The following DNAH6 variants were observed in gnomAD, a reference collection of about 807,000 sequenced individuals.
The protein encoded by DNAH6 is axonemal beta dynein heavy chain 6.
DNAH6 carries 340 observed loss-of-function variants against 491.4 expected under a neutral mutation model. The ratio of observed to expected loss-of-function variants is 0.69; its 90% CI spans 0.63 to 0.76. The LOEUF is 0.76. DNAH6 is among the 30% of genes least tolerant of loss of function. The probability of loss-of-function intolerance (pLI) is 0.00; values close to 1 mark genes in which losing one functional copy is unlikely to be tolerated. For missense variants in DNAH6, 4,443 were observed against 4,972.2 expected (o/e 0.89, Z 3.20); for synonymous variants, 1,603 against 1,686.1 (o/e 0.95, Z 1.21).
At chr2:84,474,577 C>T in the DNAH6 span, among the ~76,000 whole-genome samples, 1 of 152,150 alleles carries the variant, frequency 6.6e-6, no homozygotes, top group Admixed American at 6.5e-5. Flanking sequence ...ACTATTACTA[C>T]TATATTGATC....
rs1347288331 is a variant in DNAH6, at chr2:84,566,279, A to T, written c.1804-7188A>T. ...AATTTATCAAATCTCCAAAGACTAGATATTCACAATGCCACCTCAGTTATT... is the reference window on the plus strand; with the variant it reads ...AATTTATCAAATCTCCAAAGACTAGTTATTCACAATGCCACCTCAGTTATT... On this transcript the variant is annotated intron_variant, in intron 11 of 76. Transcript: ENST00000389394. 2.0e-5 allele frequency among the ~76,000 whole-genome samples: 3 copies of T among 152,120 alleles called. No homozygotes were observed. The East Asian group carries it at 5.8e-4, about 29-fold the overall frequency.
chr2:84,781,681 A>G, intron 65 of DNAH6, 28 bp downstream of exon 65: 2 of 1,515,848 alleles, frequency 1.3e-6, no homozygotes, highest in Non-Finnish European at 1.8e-6. Flanking sequence ...CCCTTGCATA[A>G]TAATCACATT....
Position 84,653,343 on chromosome 2 carries a change from T to C in DNAH6, c.5103T>C (p.Pro1701=), listed in dbSNP as rs931994432. ...LFSGIISDLF[P]GVQIPEHDYG... ...GTGGAATCATATCTGACCTTTTTCC[T>C]GGAGTCCAAATTCCAGAACATGATT... The change falls in exon 34 of 77, where the codon CCT becomes CCC. Residue 1701 remains proline (P), a synonymous_variant. Transcript: ENST00000389394. 2 of 1,537,388 alleles carry C rather than the reference T, an allele frequency of 1.3e-6. No individual in the cohort carries two copies. The highest frequency in any genetic ancestry group is 1.8e-6 in the Non-Finnish European group (2 of 1,138,546).
At chr2:84,598,285 C>T (rs1368374136) in intron 18 of DNAH6, among the ~76,000 whole-genome samples, 1 of 151,928 alleles carries the variant, frequency 6.6e-6, no homozygotes, top group Non-Finnish European at 1.5e-5. Flanking sequence ...GCTTTGGCCT[C>T]CCAAAGTGCT....
intron 56 of DNAH6, among the ~76,000 whole-genome samples, chr2:84,712,092 G>C (rs1168394641): frequency 6.6e-6 from 1 of 152,202 alleles, no homozygotes; most frequent in African/African-American, 2.4e-5. Flanking sequence ...CTGTGTCTTG[G>C]GGTCATCAGC....
chr2:84,814,221 T>C (rs1385077258), intron 75 of DNAH6, 99 bp downstream of exon 75: 5 of 1,290,260 alleles, frequency 3.9e-6, no homozygotes, highest in Non-Finnish European at 5.3e-6. Flanking sequence ...CCACCTCCCA[T>C]TGGCAGGAGC....
intron 37 of DNAH6, among the ~76,000 whole-genome samples, chr2:84,663,776 A>G (rs1691783501): frequency 1.3e-5 from 2 of 152,172 alleles, no homozygotes; most frequent in South Asian, 4.1e-4. Flanking sequence ...GTGAAGAGCA[A>G]CTCCAAGACA....
intron 30 of DNAH6, 59 bp from the exon 31 acceptor site, chr2:84,637,151 A>G: frequency 1.4e-6 from 2 of 1,405,146 alleles, no homozygotes; most frequent in South Asian, 1.5e-5. Context: ...AGTAATAATT[A>G]GGTGAAAAAT....
Position 84,819,505 on chromosome 2 carries a change from T to G in DNAH6, c.*97T>G. On this transcript the variant is annotated 3_prime_UTR_variant, in exon 77 of 77. Transcript: ENST00000389394. The stretch of plus-strand genomic sequence containing the variant: ...AATTTATATGTGAGCAAAACGGTGT[T>G]AATTCTGATTTGACTTAAACGTATT... The G allele has an allele frequency of 1.4e-6, 1 of 714,036 alleles. No individual in the cohort carries two copies. Among genetic ancestry groups the G allele is most frequent in the Non-Finnish European group, 2.3e-6 (1 of 438,360 alleles). The allele number at this position is 714,036 out of a possible 1,614,324, so 44.2% of individuals were successfully genotyped here.
intron 37 of DNAH6, among the ~76,000 whole-genome samples, chr2:84,661,894 C>T (rs1382852826): frequency 1.3e-5 from 2 of 152,046 alleles, no homozygotes; most frequent in East Asian, 1.9e-4. Flanking sequence ...TAATTCAAGA[C>T]AATAAAACAG....
rs1467300131 is a variant in DNAH6, at chr2:84,785,683, T to C, written c.11027T>C (p.Phe3676Ser). The change falls in exon 67 of 77, where the codon TTT (phenylalanine) becomes TCT (serine). Residue 3676 changes from phenylalanine (F) to serine (S), a missense_variant. Around this residue, in one of 3 missense-constraint regions of DNAH6, gnomAD observed 1,463 missense variants for 1,656.6 expected, o/e 0.88. Transcript: ENST00000389394. ...RAFTEMTPSF[F>S]EENILGKKWR... ...TTTACTGAAATGACACCTTCGTTTTTTGAAGAAAATATACTTGGAAAAAAA... is the reference window on the plus strand; with the variant it reads ...TTTACTGAAATGACACCTTCGTTTTCTGAAGAAAATATACTTGGAAAAAAA... The C allele has an allele frequency of 3.2e-6, 5 of 1,548,650 alleles. No homozygotes were observed. The highest frequency in any genetic ancestry group is 1.7e-4 in the Middle Eastern group (1 of 5,970).
chr2:84,812,281 G>C (rs1680063740), intron 72 of DNAH6, 60 bp from the exon 73 acceptor site: 2 of 1,463,504 alleles, frequency 1.4e-6, no homozygotes, highest in East Asian at 4.9e-5. Flanking sequence ...ATTAATGTGT[G>C]TCACTGACAC....
At chr2:84,517,276 G>T (rs186344782) in intron 1 of DNAH6, among the ~76,000 whole-genome samples, 12 of 152,308 alleles carry the variant, frequency 7.9e-5, no homozygotes, top group Admixed American at 4.6e-4. Flanking sequence ...CAAAGTGTAT[G>T]AATCAGAACC....
chr2:84,606,023 C>T (rs1232814134), intron 20 of DNAH6, among the ~76,000 whole-genome samples: 7 of 152,196 alleles, frequency 4.6e-5, no homozygotes, highest in East Asian at 3.9e-4. Context: ...TTATAGCACA[C>T]GAAAAGGCTA....
intron 68 of DNAH6, among the ~76,000 whole-genome samples, chr2:84,787,904 A>G (rs1237186913): frequency 6.6e-6 from 1 of 152,144 alleles, no homozygotes; most frequent in African/African-American, 2.4e-5. Flanking sequence ...TGTGGGCTCA[A>G]GTAGTAAGGG....
chr2:84,660,602 G>A (rs557678628), intron 37 of DNAH6, among the ~76,000 whole-genome samples: 8 of 151,832 alleles, frequency 5.3e-5, no homozygotes, highest in Non-Finnish European at 1.0e-4. Context: ...TATTTACATA[G>A]TTTCTAAGTA....
intron 22 of DNAH6, among the ~76,000 whole-genome samples, chr2:84,612,147 G>A (rs911164510): frequency 5.3e-5 from 8 of 152,026 alleles, no homozygotes; most frequent in Non-Finnish European, 8.8e-5. Flanking sequence ...TGTTGCTTCC[G>A]TGTATCAGCA....
At position 84,701,251 on chromosome 2, in the gene DNAH6, G is replaced by A; in HGVS notation, c.7973G>A (p.Arg2658Lys). Residue 2658 changes from arginine (R) to lysine (K), a missense_variant, in exon 49 of 77, where the codon AGG becomes AAG. Physicochemically the swap from Arg to Lys is conservative, Grantham distance 26. This residue lies in a region of DNAH6 where 2,977 missense variants were observed against 3,296.6 expected (regional missense o/e 0.90). Coordinates refer to ENST00000389394, the MANE Select transcript of DNAH6 (RefSeq NM_001370.2). ...MAERYYNELRRRYYTTPTSYL... is the reference protein window; with the variant it reads ...MAERYYNELRKRYYTTPTSYL... ...GAGCGCTATTACAATGAGCTGCGCA[G>A]GCGGTACTACACGACACCCACCTCC... The A allele has an allele frequency of 6.4e-7, 1 of 1,551,760 alleles. No individual in the cohort carries two copies. Among genetic ancestry groups the A allele is most frequent in the Non-Finnish European group, 8.7e-7 (1 of 1,147,006 alleles).
chr2:84,786,424 CAAA>C (rs34307388), intron 67 of DNAH6, among the ~76,000 whole-genome samples: 233 of 88,784 alleles, frequency 2.6e-3, no homozygotes, highest in South Asian at 0.01. Flanking sequence ...GACTCTGTCT[CAAA>C]AAAAAAAAAA....
Sources: allele counts gnomAD v4.1 joint callset (sites outside exome capture counted in the v4.1 genomes callset), GRCh38; gene constraint gnomAD v4.1.1; regional missense constraint gnomAD v4.1.1; transcripts MANE v1.5; gene names NCBI Gene and HGNC (gene_info 2026-07-23, HGNC 2026-07-21).